Variants in PKNOX2 observed in about 807,000 individuals in gnomAD.
The protein encoded by PKNOX2 is homeobox protein PKNOX2.
Under a neutral mutation model 53.1 loss-of-function variants are expected in PKNOX2, and 14 were observed. The observed-to-expected ratio is 0.26, with a 90% CI of 0.17 to 0.41. PKNOX2 has a LOEUF of 0.41. Among genes scored for constraint, PKNOX2 ranks in the 10% least tolerant of loss-of-function variants. The pLI is 1.00. For missense variants in PKNOX2, 496 were observed against 602.8 expected, an observed-to-expected ratio of 0.82 and a Z score of 1.85; for synonymous variants, 257 against 242.8, an observed-to-expected ratio of 1.06 and a Z score of -0.54.
intron 5 of PKNOX2, among the ~76,000 whole-genome samples, chr11:125,376,984 T>C (rs1041643100): frequency 6.6e-5 from 10 of 152,256 alleles, no homozygotes; most frequent in African/African-American, 2.4e-4. Flanking sequence ...TGGGCCTCTA[T>C]TTGAATTGGC....
intron 2 of PKNOX2, among the ~76,000 whole-genome samples, chr11:125,255,382 C>G (rs762959298): frequency 5.3e-5 from 8 of 152,204 alleles, no homozygotes; most frequent in Non-Finnish European, 1.0e-4. Context: ...ATGAGCCCAG[C>G]CCACCCCCGG....
intron 2 of PKNOX2, among the ~76,000 whole-genome samples, chr11:125,260,388 G>A (rs1312905489): frequency 3.3e-5 from 5 of 151,920 alleles, no homozygotes; most frequent in African/African-American, 4.8e-5. Context: ...TAGTAGAGAC[G>A]GGGTTTCACC....
At chr11:125,325,962 T>C (rs988298338) in intron 2 of PKNOX2, among the ~76,000 whole-genome samples, 3 of 152,206 alleles carry the variant, frequency 2.0e-5, no homozygotes, top group Non-Finnish European at 4.4e-5. Context: ...TGAATAATAA[T>C]AACTAAGTAA....
intron 2 of PKNOX2, among the ~76,000 whole-genome samples, chr11:125,320,269 C>T (rs2136057500): frequency 6.6e-6 from 1 of 152,128 alleles, no homozygotes; most frequent in East Asian, 1.9e-4. Flanking sequence ...GAATTAGCAC[C>T]CCTCCTTTTC....
intron 1 of PKNOX2, among the ~76,000 whole-genome samples, chr11:125,230,306 C>T (rs1233722528): frequency 6.6e-6 from 1 of 152,184 alleles, no homozygotes; most frequent in East Asian, 1.9e-4. Context: ...TCATTTAGAG[C>T]CTGCTGGTCA....
chr11:125,221,672 T>C (rs12791760), intron 1 of PKNOX2, among the ~76,000 whole-genome samples: 20,613 of 152,256 alleles, frequency 0.14, 1,524 homozygotes, highest in Middle Eastern at 0.17. Context: ...ATATTTATTA[T>C]GCTTCACTGA....
intron 2 of PKNOX2, among the ~76,000 whole-genome samples, chr11:125,310,676 T>G (rs1238045870): frequency 6.6e-6 from 1 of 152,166 alleles, no homozygotes; most frequent in Non-Finnish European, 1.5e-5. Context: ...TTTCATCAGT[T>G]CACAAACAGC....
intron 2 of PKNOX2, among the ~76,000 whole-genome samples, chr11:125,251,023 C>T (rs1565479597): frequency 6.6e-6 from 1 of 152,226 alleles, no homozygotes; most frequent in African/African-American, 2.4e-5. Context: ...GCTGATTGCC[C>T]AACAGGCTCT....
chr11:125,359,153 C>T (rs1395865959), intron 4 of PKNOX2, among the ~76,000 whole-genome samples: 1 of 152,048 alleles, frequency 6.6e-6, no homozygotes, highest in East Asian at 1.9e-4. Flanking sequence ...AGGTGGACAC[C>T]ATCAGGTGCG....
intron 2 of PKNOX2, among the ~76,000 whole-genome samples, chr11:125,315,009 G>A (rs889446680): frequency 6.6e-6 from 1 of 152,104 alleles, no homozygotes; most frequent in Non-Finnish European, 1.5e-5. Flanking sequence ...ACACCCCTCT[G>A]GTCTTCCCAA....
chr11:125,222,607 GTGTGTA>G (rs10579138), intron 1 of PKNOX2, among the ~76,000 whole-genome samples: 16,008 of 138,730 alleles, frequency 0.12, 1,070 homozygotes, highest in Middle Eastern at 0.17. Flanking sequence ...GTGTGTGTCT[GTGTGTA>G]TGTGTGTGTA....
chr11:125,254,599 G>A (rs564237401), intron 2 of PKNOX2, among the ~76,000 whole-genome samples: 7 of 152,294 alleles, frequency 4.6e-5, no homozygotes, highest in Admixed American at 3.3e-4. Flanking sequence ...GGCTTGTTTT[G>A]AATACCTGTA....
chr11:125,179,181 A>G (rs761979714), intron 1 of PKNOX2, among the ~76,000 whole-genome samples: 17 of 152,152 alleles, frequency 1.1e-4, no homozygotes, highest in Non-Finnish European at 2.2e-4. Flanking sequence ...TATCCTGAGC[A>G]TGTGCCCAGC....
At chr11:125,379,853 C>T (rs570286015) in intron 5 of PKNOX2, among the ~76,000 whole-genome samples, 20 of 152,198 alleles carry the variant, frequency 1.3e-4, no homozygotes, top group South Asian at 4.1e-4. Flanking sequence ...TAGAAATCAA[C>T]ACATCTGGTT....
At chr11:125,220,066 A>G (rs1386956704) in intron 1 of PKNOX2, among the ~76,000 whole-genome samples, 1 of 152,254 alleles carries the variant, frequency 6.6e-6, no homozygotes, top group African/African-American at 2.4e-5. Flanking sequence ...TATTCATTTA[A>G]AAAGAGAAAT....
At chr11:125,393,456 G>A (rs963574588) in intron 6 of PKNOX2, among the ~76,000 whole-genome samples, 1 of 152,116 alleles carries the variant, frequency 6.6e-6, no homozygotes, top group Admixed American at 6.5e-5. Context: ...CCCAGTGACC[G>A]GGAGAGGCTG....
chr11:125,267,717 C>CGT (rs1300532455), intron 2 of PKNOX2, among the ~76,000 whole-genome samples: 2 of 151,778 alleles, frequency 1.3e-5, no homozygotes, highest in Non-Finnish European at 2.9e-5. Context: ...TGTGTATGCA[C>CGT]GTGTGTGTGT....
intron 5 of PKNOX2, among the ~76,000 whole-genome samples, chr11:125,381,806 G>A (rs576304953): frequency 1.3e-5 from 2 of 152,192 alleles, no homozygotes; most frequent in Admixed American, 1.3e-4. Context: ...GCTCATTCCT[G>A]TCTCAAATGC....
intron 2 of PKNOX2, among the ~76,000 whole-genome samples, chr11:125,296,729 G>C (rs535550708): frequency 5.3e-5 from 8 of 152,290 alleles, no homozygotes; most frequent in Admixed American, 3.3e-4. Context: ...TCTGTCTCCT[G>C]GGTTCAAGCG....
Sources: allele counts gnomAD v4.1 joint callset (sites outside exome capture counted in the v4.1 genomes callset), GRCh38; gene constraint gnomAD v4.1.1; transcripts MANE v1.5; gene names NCBI Gene and HGNC (gene_info 2026-07-23, HGNC 2026-07-21).